Variants in PLCE1 observed in about 807,000 individuals in gnomAD.
PLCE1 encodes the protein phospholipase C epsilon 1, also known as 1-phosphatidylinositol 4,5-bisphosphate phosphodiesterase epsilon-1.
Under a neutral mutation model 242.8 loss-of-function variants are expected in PLCE1, and 119 were observed. The ratio of observed to expected loss-of-function variants is 0.49; its 90% confidence interval spans 0.42 to 0.57. PLCE1 has a LOEUF of 0.57. PLCE1 is among the 20% of genes least tolerant of loss of function. The pLI is 0.00. For synonymous variants in PLCE1, 945 were observed against 1,017.4 expected (o/e 0.93, Z 1.35); for missense variants, 2,441 against 2,788.8 (o/e 0.88, Z 2.81).
chr10:94,260,515 T>G (rs1440540938), intron 13 of PLCE1, among the ~76,000 whole-genome samples: 1 of 152,156 alleles, frequency 6.6e-6, no homozygotes, highest in African/African-American at 2.4e-5. Flanking sequence ...GCTAAGACTA[T>G]TAAGTATTGT....
At chr10:94,312,212 T>C (rs2053409047) in intron 27 of PLCE1, among the ~76,000 whole-genome samples, 1 of 152,202 alleles carries the variant, frequency 6.6e-6, no homozygotes, top group Admixed American at 6.5e-5. Flanking sequence ...AAAATCACAT[T>C]GTGCAAGCAT....
chr10:94,182,432 ATTT>A (rs569973730), intron 4 of PLCE1, among the ~76,000 whole-genome samples: 1 of 138,228 alleles, frequency 7.2e-6, no homozygotes. Flanking sequence ...CCCTTGGATA[ATTT>A]TTTTTTTTTT....
At chr10:94,120,419 C>T (rs1418939498) in intron 2 of PLCE1, among the ~76,000 whole-genome samples, 1 of 152,148 alleles carries the variant, frequency 6.6e-6, no homozygotes, top group East Asian at 1.9e-4. Flanking sequence ...CAGAAGCCAA[C>T]TTATGTTGGG....
intron 4 of PLCE1, among the ~76,000 whole-genome samples, chr10:94,181,462 G>A (rs971877266): frequency 6.6e-6 from 1 of 152,084 alleles, no homozygotes; most frequent in Non-Finnish European, 1.5e-5. Flanking sequence ...TGTAGTCCCA[G>A]CTACTCGGGA....
At chr10:94,064,398 C>T (rs116604113) in intron 2 of PLCE1, among the ~76,000 whole-genome samples, 1 of 152,080 alleles carries the variant, frequency 6.6e-6, no homozygotes, top group Non-Finnish European at 1.5e-5. Flanking sequence ...AAAAAATTAG[C>T]TGGGCATAGT....
At position 94,298,258 on chromosome 10, in the gene PLCE1, A is replaced by G. The variant is rs558834970; in HGVS notation, c.5168-121A>G. On this transcript the variant is annotated intron_variant, in intron 23 of 32. Coordinates refer to ENST00000371380, the MANE Select transcript of PLCE1 (RefSeq NM_016341.4). The surrounding 1 kb of genome is among the most constrained non-coding windows in gnomAD (Gnocchi z 5.2). ...CGAACTAACTCACAAGTAAAATCCA[A>G]GAGGTATTCTGATGTGGTTTATATG... is the stretch of plus-strand genomic sequence containing the variant. 77 of 858,124 alleles carry G rather than the reference A, an allele frequency of 9.0e-5. 3 individuals carry two copies. In the South Asian group the frequency reaches 1.2e-3, roughly 13 times the overall value. 53.2% of individuals were successfully genotyped at this position (858,124 alleles called of 1,614,324 possible).
intron 2 of PLCE1, among the ~76,000 whole-genome samples, chr10:94,089,850 C>A (rs932774513): frequency 6.6e-6 from 1 of 151,968 alleles, no homozygotes; most frequent in Non-Finnish European, 1.5e-5. Flanking sequence ...GATTATAATA[C>A]TAGTAAGGAA....
At chr10:94,216,938 G>A (rs189026815) in intron 4 of PLCE1, among the ~76,000 whole-genome samples, 1 of 150,822 alleles carries the variant, frequency 6.6e-6, no homozygotes, top group East Asian at 2.0e-4. Context: ...AAATTTAAAG[G>A]CCTGTGCTTT....
chr10:94,326,637 G>T (rs2133935818), intron 32 of PLCE1, among the ~76,000 whole-genome samples: 1 of 152,216 alleles, frequency 6.6e-6, no homozygotes, highest in Middle Eastern at 3.4e-3. Flanking sequence ...TTAGAAATTT[G>T]ACTTAAAAAT....
intron 13 of PLCE1, among the ~76,000 whole-genome samples, chr10:94,261,785 AT>A (rs762536129): frequency 6.6e-6 from 1 of 152,168 alleles, no homozygotes; most frequent in Non-Finnish European, 1.5e-5. Context: ...AAAAATTTAT[AT>A]TCACATAAAA....
chr10:94,090,172 T>C (rs1036661533), intron 2 of PLCE1, among the ~76,000 whole-genome samples: 2 of 144,968 alleles, frequency 1.4e-5, no homozygotes, highest in African/African-American at 5.0e-5. Flanking sequence ...TTGCTTTTCT[T>C]AAAAAAAAAA....
chr10:94,243,896 T>C (rs1010070460), intron 7 of PLCE1, among the ~76,000 whole-genome samples: 1 of 152,258 alleles, frequency 6.6e-6, no homozygotes, highest in Non-Finnish European at 1.5e-5. Context: ...ACCATATGCA[T>C]TCTTGTGTGT....
At position 94,298,833 on chromosome 10, in the gene PLCE1, G is replaced by A. The variant is rs922398507; in HGVS notation, c.5458+164G>A. On this transcript the variant is annotated intron_variant, in intron 24 of 32. Coordinates refer to ENST00000371380, the MANE Select transcript of PLCE1 (RefSeq NM_016341.4). This position sits in a 1 kb window ranked among gnomAD's most constrained non-coding sequence, Gnocchi z 5.2. ...AGAAGTGAATTTGATACTGAATTGT[G>A]CCTCCGATGTTTCAGATTAAGGTGA... 1.3e-5 allele frequency among the ~76,000 whole-genome samples: 2 copies of A among 152,166 alleles called. No homozygotes were observed. The highest frequency in any genetic ancestry group is 4.8e-5 in the African/African-American group (2 of 41,448).
intron 29 of PLCE1, among the ~76,000 whole-genome samples, chr10:94,319,557 C>G (rs7909608): frequency 0.012 from 1,869 of 152,224 alleles, 45 homozygotes; most frequent in African/African-American, 0.042. Flanking sequence ...TTCCTGTGGT[C>G]AATGTGTCCT....
At chr10:94,012,850 C>T (rs139681464) in intron 1 of PLCE1, among the ~76,000 whole-genome samples, 1 of 152,182 alleles carries the variant, frequency 6.6e-6, no homozygotes, top group Non-Finnish European at 1.5e-5. Flanking sequence ...CTTCCCCAAC[C>T]CCTCTTTCCT....
In PLCE1 at chr10:94,270,612, C is replaced by T; in HGVS notation, c.4506+10C>T. 3.4e-6 allele frequency: 5 copies of T among 1,475,878 alleles called. No individual in the cohort carries two copies. The highest frequency in any genetic ancestry group is 4.7e-6 in the Non-Finnish European group (5 of 1,053,944). The allele number at this position is 1,475,878 out of a possible 1,614,324, so 91.4% of individuals were successfully genotyped here. On this transcript the variant is annotated intron_variant, in intron 18 of 32. Coordinates refer to ENST00000371380, the MANE Select transcript of PLCE1 (RefSeq NM_016341.4). ...GGCAGAAATTTTCAAGGTGAGCTCT[C>T]AACAAAAAGGCAGGATGGTATGTTG...
chr10:94,309,737 A>G (rs2053326090), intron 27 of PLCE1, among the ~76,000 whole-genome samples: 1 of 152,160 alleles, frequency 6.6e-6, no homozygotes, highest in Non-Finnish European at 1.5e-5. Context: ...GGATGGTTTA[A>G]TTAGGTAAGA....
chr10:94,076,217 T>C (rs535516742), intron 2 of PLCE1, among the ~76,000 whole-genome samples: 1 of 152,186 alleles, frequency 6.6e-6, no homozygotes, highest in South Asian at 2.1e-4. Context: ...GCTAAATAAA[T>C]AAAAGGGGTA....
At chr10:94,297,590 TAAAAAAAA>T (rs71031568) in intron 23 of PLCE1, among the ~76,000 whole-genome samples, 19 of 56,576 alleles carry the variant, frequency 3.4e-4, no homozygotes, top group Non-Finnish European at 4.0e-4. Context: ...TTTAAATTTG[TAAAAAAAA>T]AAAAAAAAAA....
Sources: gnomAD v4.1 joint callset for allele counts (sites outside exome capture counted in the v4.1 genomes callset) on GRCh38, gnomAD v4.1.1 for gene constraint, Gnocchi (gnomAD v3.1) non-coding constraint, MANE v1.5 for transcripts, NCBI Gene and HGNC (gene_info 2026-07-23, HGNC 2026-07-21) for gene names.